GMPS: variants seen among roughly 807,000 people sequenced by gnomAD.
The protein encoded by GMPS is guanosine monophosphate synthase, also known as GMP synthase [glutamine-hydrolyzing].
In GMPS, 15 loss-of-function variants were observed where a neutral mutation model predicts 77.9. The ratio of observed to expected loss-of-function variants is 0.19; its 90% CI spans 0.13 to 0.30. The LOEUF (loss-of-function observed/expected upper bound fraction) is 0.30, where lower values mean the gene tolerates loss of function less well. GMPS is among the 10% of genes least tolerant of loss of function. The probability of loss-of-function intolerance (pLI) is 1.00; values close to 1 mark genes in which losing one functional copy is unlikely to be tolerated. For synonymous variants in GMPS, 224 were observed against 275.9 expected, an observed-to-expected ratio of 0.81 and a Z score of 1.86; for missense variants, 590 against 838.8, an observed-to-expected ratio of 0.70 and a Z score of 3.66.
chr3:155,928,845 G>C (rs927420662), intron 12 of GMPS, among the ~76,000 whole-genome samples: 6 of 151,464 alleles, frequency 4.0e-5, no homozygotes, highest in African/African-American at 1.5e-4. Flanking sequence ...TTTCATCCAT[G>C]TCCTTACAAA....
rs577500521 is a variant in GMPS, at chr3:155,913,501, A to C, written c.887-918A>C. Among the ~76,000 whole-genome samples the C allele has an allele frequency of 2.6e-3, 396 of 149,504 alleles. 3 individuals carry two copies. Among genetic ancestry groups the C allele is most frequent in the African/African-American group, 9.3e-3 (381 of 40,982 alleles). On this transcript the variant is annotated intron_variant, in intron 7 of 15. Coordinates refer to ENST00000496455, the MANE Select transcript of GMPS (RefSeq NM_003875.3). The stretch of plus-strand genomic sequence containing the variant: ...TTGTTGCTCTGGTGAAGCACTGAAG[A>C]GAGGGAAAACAATCAGCATAAATTT...
At position 155,939,712 on chromosome 3, in the gene GMPS, A is replaced by G. The variant is rs1016424963; in HGVS notation, c.*2020A>G. ...TAATATTGGGAAAATTGTTACTCCA[A>G]AGCACATCTTGACATGACATAGTTT... is the stretch of plus-strand genomic sequence containing the variant. On this transcript the variant is annotated 3_prime_UTR_variant, in exon 16 of 16. Coordinates refer to ENST00000496455, the MANE Select transcript of GMPS (RefSeq NM_003875.3). 7 of 193,916 alleles carry G rather than the reference A, an allele frequency of 3.6e-5. No individual in the cohort carries two copies. The highest frequency in any genetic ancestry group is 1.4e-4 in the African/African-American group (6 of 43,194). The allele number at this position is 193,916 out of a possible 1,614,324, so 12.0% of individuals were successfully genotyped here. A position where few individuals can be genotyped will look rare whatever the true frequency, so the allele number is the denominator to read the frequency against.
rs537178241 is a variant in GMPS, at chr3:155,897,478, G to T, written c.210-449G>T. On this transcript the variant is annotated intron_variant, in intron 2 of 15. Coordinates refer to ENST00000496455, the MANE Select transcript of GMPS (RefSeq NM_003875.3). ...TATACTTTCTATTCTGCCGTCTTTTGTTGTAGAGTATTTTGCTCTGAGCCA... is the reference window on the plus strand; with the variant it reads ...TATACTTTCTATTCTGCCGTCTTTTTTTGTAGAGTATTTTGCTCTGAGCCA... Among the ~76,000 whole-genome samples the T allele has an allele frequency of 3.3e-5, 5 of 152,266 alleles. No homozygotes were observed. In the South Asian group the frequency reaches 8.3e-4, roughly 25 times the overall value.
chr3:155,886,611 CTTTT>C (rs58367815), intron 1 of GMPS, among the ~76,000 whole-genome samples: 6 of 78,050 alleles, frequency 7.7e-5, no homozygotes, highest in African/African-American at 2.7e-4. Flanking sequence ...TTCCTGATGA[CTTTT>C]TTTTTTTTTT....
Position 155,910,674 on chromosome 3 carries a change from A to C in GMPS, c.527-18A>C. 1 of 1,357,608 alleles carries C rather than the reference A, an allele frequency of 7.4e-7. No homozygotes were observed. The highest frequency in any genetic ancestry group is 1.5e-5 in the African/African-American group (1 of 66,956). 84.1% of individuals were successfully genotyped at this position (1,357,608 alleles called of 1,614,324 possible). On this transcript the variant is annotated intron_variant, in intron 5 of 15. Coordinates refer to ENST00000496455, the MANE Select transcript of GMPS (RefSeq NM_003875.3). ...CAGCATGAAAAAATTTTAATTTGTG[A>C]CTATTTTCTCTATAAAGGCATAGCA... is the stretch of plus-strand genomic sequence containing the variant.
rs368302741 is a variant in GMPS, at chr3:155,871,540, CGCGTGAGGGCT to C, written c.27+645_27+655del. Among the ~76,000 whole-genome samples the C allele has an allele frequency of 5.2e-4, 79 of 152,358 alleles. 4 individuals are homozygous for C. Among genetic ancestry groups the C allele is most frequent in the African/African-American group, 1.8e-3 (76 of 41,598 alleles). ...CCCTCCCCCAACGCCCCTGCAGGCC[CGCGTGAGGGCT>C]GGTGGCCCCAGGGTCGCGCACTCCG... On this transcript the variant is annotated intron_variant, in intron 1 of 15. Coordinates refer to ENST00000496455, the MANE Select transcript of GMPS (RefSeq NM_003875.3).
chr3:155,924,513 A>G (rs1036360328), intron 11 of GMPS, among the ~76,000 whole-genome samples: 1 of 152,172 alleles, frequency 6.6e-6, no homozygotes, highest in African/African-American at 2.4e-5. Context: ...TATCCTTGTT[A>G]ACACTTAAGG....
At position 155,940,470 on chromosome 3, in the gene GMPS, T is replaced by G. The variant is rs1217559561; in HGVS notation, c.*2778T>G. The G allele has an allele frequency of 4.7e-6, 1 of 212,706 alleles. No individual in the cohort carries two copies. The highest frequency in any genetic ancestry group is 2.3e-5 in the African/African-American group (1 of 44,254). 13.2% of individuals were successfully genotyped at this position (212,706 alleles called of 1,614,324 possible). ...TCATAAAATTTGTTTCCTCACTGTT[T>G]GGGCTTAACCTCCTGATAGCCTGTT... On this transcript the variant is annotated 3_prime_UTR_variant, in exon 16 of 16. Transcript: ENST00000496455.
At chr3:155,917,810 T>C (rs1446685500) in intron 9 of GMPS, among the ~76,000 whole-genome samples, 1 of 151,628 alleles carries the variant, frequency 6.6e-6, no homozygotes, top group East Asian at 2.0e-4. Flanking sequence ...GAGGCGGAGG[T>C]TGCAATGAGC....
Position 155,918,575 on chromosome 3 carries a change from A to G in GMPS, c.1213-658A>G, listed in dbSNP as rs1251379254. 2.0e-5 allele frequency among the ~76,000 whole-genome samples: 3 copies of G among 152,180 alleles called. 1 individual carries two copies. The highest frequency in any genetic ancestry group is 4.1e-4 in the South Asian group (2 of 4,832). On this transcript the variant is annotated intron_variant, in intron 9 of 15. Transcript: ENST00000496455. ...TTTTTCATGTTCTTGCTTATTGGCCATTTGTGTATCTTGGAGAAATGTCTA... is the reference window on the plus strand; with the variant it reads ...TTTTTCATGTTCTTGCTTATTGGCCGTTTGTGTATCTTGGAGAAATGTCTA...
intron 12 of GMPS, among the ~76,000 whole-genome samples, chr3:155,925,690 T>TAA (rs1261725032): frequency 6.6e-6 from 1 of 152,094 alleles, no homozygotes; most frequent in Non-Finnish European, 1.5e-5. Context: ...TAACCAAAGG[T>TAA]AAATATTGAA....
chr3:155,878,915 G>A (rs1009310844), intron 1 of GMPS, among the ~76,000 whole-genome samples: 1 of 152,078 alleles, frequency 6.6e-6, no homozygotes, highest in Admixed American at 6.6e-5. Flanking sequence ...GGGGGAGGGT[G>A]ATGGGAGAGT....
intron 5 of GMPS, among the ~76,000 whole-genome samples, chr3:155,907,111 G>A (rs1754912809): frequency 6.6e-6 from 1 of 152,154 alleles, no homozygotes; most frequent in Admixed American, 6.5e-5. Flanking sequence ...ACAGACATTA[G>A]CATAATGTAT....
chr3:155,916,553 C>T (rs1878212), intron 9 of GMPS, among the ~76,000 whole-genome samples: 8,276 of 152,114 alleles, frequency 0.054, 319 homozygotes, highest in East Asian at 0.18. Flanking sequence ...TTTTACTTAC[C>T]GTAATGTTTT....
At chr3:155,924,804 G>A (rs4680221) in intron 11 of GMPS, among the ~76,000 whole-genome samples, 134,223 of 152,168 alleles carry the variant, frequency 0.88, 59,454 homozygotes, top group African/African-American at 0.91. Flanking sequence ...AGACATGAAA[G>A]GTATAGTCTA....
At chr3:155,920,358 G>A (rs1416661119) in intron 10 of GMPS, among the ~76,000 whole-genome samples, 1 of 151,958 alleles carries the variant, frequency 6.6e-6, no homozygotes, top group African/African-American at 2.4e-5. Flanking sequence ...GCATGCCGGC[G>A]AAGAATGGTC....
At chr3:155,881,585 C>T (rs1414587424) in intron 1 of GMPS, among the ~76,000 whole-genome samples, 15 of 152,138 alleles carry the variant, frequency 9.9e-5, no homozygotes, top group Admixed American at 8.5e-4. Context: ...GCTATTGCCA[C>T]GGTAATGGTA....
At chr3:155,904,081 A>G in intron 4 of GMPS, 121 bp downstream of exon 4, 2 of 518,190 alleles carry the variant, frequency 3.9e-6, no homozygotes, top group Non-Finnish European at 6.9e-6. Flanking sequence ...AGTAGTGACC[A>G]CAAGTGTAAT....
chr3:155,923,618 G>T (rs1393151984), intron 11 of GMPS, among the ~76,000 whole-genome samples: 1 of 152,156 alleles, frequency 6.6e-6, no homozygotes, highest in Admixed American at 6.5e-5. Context: ...ATAATTAACT[G>T]TAGTGAACAG....
Sources: gnomAD v4.1 joint callset for allele counts (sites outside exome capture counted in the v4.1 genomes callset) on GRCh38, gnomAD v4.1.1 for gene constraint, MANE v1.5 for transcripts, NCBI Gene and HGNC (gene_info 2026-07-23, HGNC 2026-07-21) for gene names.